HPR: variants seen among roughly 807,000 people sequenced by gnomAD.
The protein encoded by HPR is haptoglobin-related protein.
HPR carries 17 observed loss-of-function variants against 18.5 expected under a neutral mutation model. The ratio of observed to expected loss-of-function variants is 0.92; its 90% CI spans 0.63 to 1.38. The LOEUF (loss-of-function observed/expected upper bound fraction) is 1.38. HPR is among the 40% of genes most tolerant of loss of function. HPR has a pLI of 0.00. For missense variants in HPR, 457 were observed against 432.4 expected (o/e 1.06, Z -0.51); for synonymous variants, 176 against 165.0 (o/e 1.07, Z -0.51).
rs182353748 is a variant in HPR, at chr16:72,074,772, C to T, written c.194-373C>T. ...TTGCTCACTTAGTCCTTACAGTTTCCCACTGAATAGAGGTTATTATTCTCA... is the reference window on the plus strand; with the variant it reads ...TTGCTCACTTAGTCCTTACAGTTTCTCACTGAATAGAGGTTATTATTCTCA... On this transcript the variant is annotated intron_variant, in intron 3 of 4. Transcript: ENST00000540303. 1.2e-5 allele frequency: 8 copies of T among 687,886 alleles called. No homozygotes were observed. The East Asian group carries it at 2.2e-4, about 19-fold the overall frequency. 42.6% of individuals were successfully genotyped at this position (687,886 alleles called of 1,614,324 possible).
In HPR at chr16:72,073,975, C is replaced by G; in HGVS notation, c.89C>G (p.Ser30Ter). The G allele has an allele frequency of 6.2e-7, 1 of 1,614,056 alleles. No homozygotes were observed. Among genetic ancestry groups the G allele is most frequent in the Non-Finnish European group, 8.5e-7 (1 of 1,180,004 alleles). ...TCAGGCAATGATGTCACGGATATTT[C>G]AGGTCAGTCTTTGAGTTGGGTAGGA... The part of the protein sequence containing the change: ...LYSGNDVTDI[S>*]DDRFPKPPEI... Residue 30 changes from serine to a stop codon, truncating the protein, a stop_gained and splice_region_variant, in exon 2 of 5, where the codon TCA becomes TGA. Transcript: ENST00000540303. LOFTEE classifies it high-confidence loss of function.
At position 72,076,953 on chromosome 16, in the gene HPR, G is replaced by T. The variant is rs1310643627; in HGVS notation, c.919G>T (p.Glu307Ter). 3 of 1,613,402 alleles carry T rather than the reference G, an allele frequency of 1.9e-6. No individual in the cohort carries two copies. The African/African-American group carries it at 4.0e-5, about 22-fold the overall frequency. Residue 307 changes from glutamate (E) to a stop codon, truncating the protein, a stop_gained, in exon 5 of 5, where the codon GAG becomes TAG. Transcript: ENST00000540303. LOFTEE classifies it high-confidence loss of function. ...AGSAFAVHDL[E>*]EDTWYAAGIL... ...CAGTGCCTTTGCCGTTCACGACCTG[G>T]AGGAGGACACCTGGTACGCGGCTGG...
intron 1 of HPR, among the ~76,000 whole-genome samples, chr16:72,068,429 A>G (rs561563672): frequency 4.7e-4 from 72 of 152,176 alleles, no homozygotes; most frequent in Non-Finnish European, 8.5e-4. Context: ...CACATGCCCT[A>G]AACAGTAAAC....
Position 72,076,785 on chromosome 16 carries a change from T to C in HPR, c.751T>C (p.Cys251Arg). The change falls in exon 5 of 5, where the codon TGC becomes CGC. Residue 251 changes from cysteine to arginine, a missense_variant. Physicochemically the swap from Cys to Arg is radical, Grantham distance 180. Transcript: ENST00000540303. ...GCTGCCTGTGGCTGACCAATACGAT[T>C]GCATAACGCATTATGAAGGCAGCAC... Reference protein sequence around the residue: ...VMLPVADQYDCITHYEGSTCP... With the variant: ...VMLPVADQYDRITHYEGSTCP... 6.2e-7 allele frequency: 1 copy of C among 1,614,220 alleles called. No homozygotes were observed. The highest frequency in any genetic ancestry group is 8.5e-7 in the Non-Finnish European group (1 of 1,180,038).
At chr16:72,068,695 T>C (rs1264460108) in intron 1 of HPR, among the ~76,000 whole-genome samples, 1 of 152,162 alleles carries the variant, frequency 6.6e-6, no homozygotes, top group Non-Finnish European at 1.5e-5. Context: ...CACCTGTGGA[T>C]GGCCTCAGTG....
chr16:72,070,938 T>C (rs923703446), intron 1 of HPR, among the ~76,000 whole-genome samples: 5 of 152,176 alleles, frequency 3.3e-5, no homozygotes, highest in African/African-American at 4.8e-5. Flanking sequence ...AACTAATTCA[T>C]GGTCCCACCC....
rs1567591529 is a variant in HPR at position 72,076,716 on chromosome 16, C to A, written c.682C>A (p.Gln228Lys). 1 of 1,614,168 alleles carries A rather than the reference C, an allele frequency of 6.2e-7. No individual in the cohort carries two copies. The highest frequency in any genetic ancestry group is 8.5e-7 in the Non-Finnish European group (1 of 1,180,032). ...TGTGGGTTACGTGTCTGGCTGGGGA[C>A]AAAGTGACAACTTTAAACTTACTGA... is the stretch of plus-strand genomic sequence containing the variant. The part of the protein sequence containing the change: ...GRVGYVSGWG[Q>K]SDNFKLTDHL... The change falls in exon 5 of 5, where the codon CAA becomes AAA. Residue 228 changes from glutamine to lysine, a missense_variant. Coordinates refer to ENST00000540303, the MANE Select transcript of HPR (RefSeq NM_020995.4).
Position 72,076,403 on chromosome 16 carries a change from C to G in HPR, c.369C>G (p.Ser123=). Residue 123 remains serine, a synonymous_variant, in exon 5 of 5, where the codon TCC becomes TCG. Coordinates refer to ENST00000540303, the MANE Select transcript of HPR (RefSeq NM_020995.4). ...TTCCCTGGCAGGCTAAGATGGTTTCCCACCATAATCTCACCACAGGGGCCA... is the reference window on the plus strand; with the variant it reads ...TTCCCTGGCAGGCTAAGATGGTTTCGCACCATAATCTCACCACAGGGGCCA... The part of the protein sequence containing the change: ...GSFPWQAKMV[S]HHNLTTGATL... 1 of 1,614,146 alleles carries G rather than the reference C, an allele frequency of 6.2e-7. No homozygotes were observed. The highest frequency in any genetic ancestry group is 8.5e-7 in the Non-Finnish European group (1 of 1,180,034).
chr16:72,076,460 G>A lies in HPR; in HGVS notation c.426G>A (p.Thr142=), dbSNP rs548418764. The A allele has an allele frequency of 1.7e-5, 27 of 1,614,124 alleles. No homozygotes were observed. The highest frequency in any genetic ancestry group is 1.2e-4 in the Admixed American group (7 of 60,004). Residue 142 remains threonine, a synonymous_variant, in exon 5 of 5, where the codon ACG becomes ACA. Transcript: ENST00000540303. ...TLINEQWLLT[T]AKNLFLNHSE... is the part of the protein sequence containing the mutation. ...TCAATGAACAATGGCTGCTGACCAC[G>A]GCTAAAAATCTCTTCCTGAACCATT...
intron 1 of HPR, among the ~76,000 whole-genome samples, chr16:72,066,136 C>T (rs1243419410): frequency 6.6e-6 from 1 of 152,164 alleles, no homozygotes; most frequent in African/African-American, 2.4e-5. Context: ...TCAGCCATAA[C>T]TTTCTTCCCT....
rs1171716304 is a variant in HPR, at chr16:72,076,503, A to G, written c.469A>G (p.Lys157Glu). The change falls in exon 5 of 5, where the codon AAA becomes GAA. Residue 157 changes from lysine (K) to glutamate (E), a missense_variant. Coordinates refer to ENST00000540303, the MANE Select transcript of HPR (RefSeq NM_020995.4). ...GAACCATTCAGAAAATGCAACAGCG[A>G]AAGACATTGCCCCTACTTTAACACT... ...FLNHSENATA[K>E]DIAPTLTLYV... 6 of 1,614,032 alleles carry G rather than the reference A, an allele frequency of 3.7e-6. No individual in the cohort carries two copies. The highest frequency in any genetic ancestry group is 8.5e-7 in the Non-Finnish European group (1 of 1,179,992).
intron 1 of HPR, among the ~76,000 whole-genome samples, chr16:72,065,924 T>C (rs1252753042): frequency 6.6e-6 from 1 of 152,186 alleles, no homozygotes; most frequent in Non-Finnish European, 1.5e-5. Context: ...CTCAGGCAGC[T>C]GCTGCTGCCC....
Position 72,076,696 on chromosome 16 carries a change from G to T in HPR, c.662G>T (p.Gly221Val), listed in dbSNP as rs2041731262. ...AATTATGCAGAAGTAGGGCGTGTGG[G>T]TTACGTGTCTGGCTGGGGACAAAGT... is the stretch of plus-strand genomic sequence containing the variant. ...SKNYAEVGRV[G>V]YVSGWGQSDN... Residue 221 changes from glycine to valine, a missense_variant, in exon 5 of 5, where the codon GGT (glycine) becomes GTT (valine). Transcript: ENST00000540303. 1 of 1,614,094 alleles carries T rather than the reference G, an allele frequency of 6.2e-7. No individual in the cohort carries two copies. The highest frequency in any genetic ancestry group is 1.3e-5 in the African/African-American group (1 of 74,934).
intron 1 of HPR, among the ~76,000 whole-genome samples, chr16:72,069,749 T>C (rs1163764588): frequency 6.6e-6 from 1 of 152,182 alleles, no homozygotes; most frequent in Non-Finnish European, 1.5e-5. Context: ...AAACCGCCCC[T>C]TGGAGAAAGA....
chr16:72,067,150 A>G (rs1404199632), intron 1 of HPR, among the ~76,000 whole-genome samples: 1 of 152,144 alleles, frequency 6.6e-6, no homozygotes, highest in East Asian at 1.9e-4. Flanking sequence ...TCCACTCACG[A>G]CCTTTGAAGA....
chr16:72,065,845 A>G (rs1297214151), intron 1 of HPR, among the ~76,000 whole-genome samples: 2 of 152,154 alleles, frequency 1.3e-5, no homozygotes, highest in Admixed American at 6.5e-5. Context: ...TCCCACACCT[A>G]AAGTCAGCAC....
At chr16:72,066,167 AG>A (rs1161231577) in intron 1 of HPR, among the ~76,000 whole-genome samples, 1 of 152,192 alleles carries the variant, frequency 6.6e-6, no homozygotes, top group Non-Finnish European at 1.5e-5. Flanking sequence ...TATCACAAGG[AG>A]GGGAAGTCAT....
chr16:72,066,207 T>A (rs2041595973), intron 1 of HPR, among the ~76,000 whole-genome samples: 1 of 152,152 alleles, frequency 6.6e-6, no homozygotes. Flanking sequence ...CTTGACTATT[T>A]CAGAAGTCTG....
chr16:72,069,082 CTAA>C (rs1006819769), intron 1 of HPR, among the ~76,000 whole-genome samples: 1 of 152,126 alleles, frequency 6.6e-6, no homozygotes, highest in Non-Finnish European at 1.5e-5. Context: ...AGAAAATTGC[CTAA>C]TAATTGGTCT....
Sources: allele counts gnomAD v4.1 joint callset (sites outside exome capture counted in the v4.1 genomes callset), GRCh38; gene constraint gnomAD v4.1.1; transcripts MANE v1.5; gene names NCBI Gene and HGNC (gene_info 2026-07-23, HGNC 2026-07-21).